Variants in CCDC171 observed in about 807,000 individuals in gnomAD.
CCDC171 encodes coiled-coil domain containing 171.
CCDC171 carries 177 observed loss-of-function variants against 168.2 expected under a neutral mutation model. That is an observed-to-expected ratio of 1.05 (90% confidence interval 0.93 to 1.19). The LOEUF (loss-of-function observed/expected upper bound fraction) is 1.19, where lower values mean the gene tolerates loss of function less well. CCDC171 is among the 50% of genes most tolerant of loss of function. The pLI, the probability that CCDC171 is intolerant of heterozygous loss-of-function variation, is 0.00. For missense variants in CCDC171, 1,991 were observed against 1,539.0 expected (o/e 1.29, Z -4.91); for synonymous variants, 687 against 540.8 (o/e 1.27, Z -3.75).
chr9:15,809,256 A>G (rs1222780057), intron 21 of CCDC171, among the ~76,000 whole-genome samples: 1 of 152,182 alleles, frequency 6.6e-6, no homozygotes, highest in South Asian at 2.1e-4. Flanking sequence ...AGTATTTTCA[A>G]TGTATGTAGT....
At chr9:15,628,781 C>T (rs979654460) in intron 7 of CCDC171, among the ~76,000 whole-genome samples, 3 of 152,160 alleles carry the variant, frequency 2.0e-5, no homozygotes, top group African/African-American at 4.8e-5. Context: ...AGGCACCCCC[C>T]AGTAGAGGCA....
intron 7 of CCDC171, among the ~76,000 whole-genome samples, chr9:15,643,331 T>C (rs73412243): frequency 6.6e-6 from 1 of 152,140 alleles, no homozygotes; most frequent in South Asian, 2.1e-4. Context: ...AAAGAAAAAA[T>C]TAGCATTGGG....
chr9:16,091,336 T>C, the CCDC171 span, among the ~76,000 whole-genome samples: 9,223 of 152,282 alleles, frequency 0.061, 842 homozygotes, highest in African/African-American at 0.2. Context: ...TAATTAGAAT[T>C]CTTCTTTCAT....
intron 15 of CCDC171, among the ~76,000 whole-genome samples, chr9:15,728,416 T>C (rs1437244161): frequency 6.6e-6 from 1 of 152,190 alleles, no homozygotes; most frequent in Non-Finnish European, 1.5e-5. Flanking sequence ...CAGGATATAG[T>C]TATTCAAAAA....
chr9:15,708,324 C>G (rs564150666), intron 11 of CCDC171, among the ~76,000 whole-genome samples: 106 of 152,280 alleles, frequency 7.0e-4, no homozygotes, highest in African/African-American at 2.2e-3. Flanking sequence ...AATAAATATT[C>G]ACCCTCCCTT....
intron 3 of CCDC171, among the ~76,000 whole-genome samples, chr9:15,988,819 C>T (rs1202083179): frequency 1.3e-5 from 2 of 152,168 alleles, no homozygotes. Flanking sequence ...GCCCATGGAG[C>T]CTCACCCATT....
intron 11 of CCDC171, among the ~76,000 whole-genome samples, chr9:15,706,397 C>T (rs1343348548): frequency 2.0e-5 from 3 of 152,036 alleles, no homozygotes; most frequent in African/African-American, 4.8e-5. Context: ...TCAAGTGATC[C>T]TCCCACCTCA....
intron 21 of CCDC171, among the ~76,000 whole-genome samples, chr9:15,791,947 A>T (rs555060469): frequency 6.6e-6 from 1 of 152,352 alleles, no homozygotes; most frequent in East Asian, 1.9e-4. Context: ...GCAGCTCCTC[A>T]CCAGCAATGG....
intron 21 of CCDC171, among the ~76,000 whole-genome samples, chr9:15,802,211 T>A (rs2058858940): frequency 6.6e-6 from 1 of 151,916 alleles, no homozygotes; most frequent in Admixed American, 6.6e-5. Context: ...GAGCTTTATT[T>A]ATTTATTTAT....
intron 3 of CCDC171, among the ~76,000 whole-genome samples, chr9:15,993,646 C>A (rs890294215): frequency 9.9e-5 from 15 of 152,208 alleles, no homozygotes; most frequent in South Asian, 2.1e-4. Context: ...CTACCATCAG[C>A]GTGAACAGGC....
At chr9:15,840,954 G>T (rs2060654015) in intron 21 of CCDC171, among the ~76,000 whole-genome samples, 1 of 151,712 alleles carries the variant, frequency 6.6e-6, no homozygotes, top group Admixed American at 6.6e-5. Flanking sequence ...TTTTATTATT[G>T]ATCACTTTCA....
chr9:15,670,218 C>T (rs907684076), intron 9 of CCDC171, among the ~76,000 whole-genome samples: 2 of 152,024 alleles, frequency 1.3e-5, no homozygotes, highest in Middle Eastern at 3.2e-3. Flanking sequence ...GTGTGTTCCC[C>T]CATTTCAGTG....
downstream of CCDC171, among the ~76,000 whole-genome samples, chr9:16,065,240 G>A (rs574753382): frequency 1.8e-4 from 28 of 152,294 alleles, no homozygotes; most frequent in South Asian, 5.6e-3. Context: ...GAACTGAGCT[G>A]GCTTCTAGTG....
intron 6 of CCDC171, among the ~76,000 whole-genome samples, chr9:15,594,915 A>G (rs998181711): frequency 1.3e-5 from 2 of 152,222 alleles, no homozygotes; most frequent in Non-Finnish European, 2.9e-5. Context: ...TTAAAACTTC[A>G]AATACATTTT....
chr9:15,737,077 T>G (rs150759131), intron 16 of CCDC171, among the ~76,000 whole-genome samples: 2,350 of 150,172 alleles, frequency 0.016, 75 homozygotes, highest in African/African-American at 0.054. Context: ...ATTTCTCGGA[T>G]TTTTTTTTTC....
At chr9:15,569,165 CTT>C (rs1454647103) in intron 2 of CCDC171, among the ~76,000 whole-genome samples, 1 of 152,158 alleles carries the variant, frequency 6.6e-6, no homozygotes, top group Non-Finnish European at 1.5e-5. Flanking sequence ...CGGTTTGAAA[CTT>C]ATATCCTTCG....
chr9:16,038,884 A>AT (rs66750856), upstream of CCDC171, among the ~76,000 whole-genome samples: 3 of 148,624 alleles, frequency 2.0e-5, no homozygotes, highest in Non-Finnish European at 4.5e-5. Context: ...AAAAAAAAAA[A>AT]GCTGAATATA....
At chr9:15,887,680 A>C (rs1246984696) in intron 24 of CCDC171, 1 of 152,140 alleles carries the variant, frequency 6.6e-6, no homozygotes, top group Non-Finnish European at 1.5e-5. Flanking sequence ...TGCTTAATTC[A>C]TTTATTTTCA....
At chr9:15,901,447 G>A (rs1326869601) in intron 24 of CCDC171, among the ~76,000 whole-genome samples, 1 of 152,160 alleles carries the variant, frequency 6.6e-6, no homozygotes, top group Non-Finnish European at 1.5e-5. Context: ...TAGGGGCAGA[G>A]CATGTATGGG....
Sources: gnomAD v4.1 joint callset for allele counts (sites outside exome capture counted in the v4.1 genomes callset) on GRCh38, gnomAD v4.1.1 for gene constraint, MANE v1.5 for transcripts, NCBI Gene and HGNC (gene_info 2026-07-23, HGNC 2026-07-21) for gene names.